Variants in NOL4 observed in about 807,000 individuals in gnomAD.
NOL4 encodes the protein nucleolar protein 4.
In NOL4, 17 loss-of-function variants were observed where a neutral mutation model predicts 75.9. The ratio of observed to expected loss-of-function variants is 0.22; its 90% confidence interval spans 0.15 to 0.34. The LOEUF is 0.34. Ranked by LOEUF, NOL4 falls within the 10% of genes least tolerant of loss-of-function variation. NOL4 has a pLI of 1.00. For missense variants in NOL4, 614 were observed against 793.5 expected (o/e 0.77, Z 2.72); for synonymous variants, 292 against 289.9 (o/e 1.01, Z -0.07).
intron 9 of NOL4, among the ~76,000 whole-genome samples, chr18:33,925,964 T>C (rs1360106288): frequency 6.6e-6 from 1 of 152,150 alleles, no homozygotes. Context: ...TAATAAATAA[T>C]TTTATAATTT....
At chr18:33,929,677 C>T (rs1198325894) in intron 9 of NOL4, among the ~76,000 whole-genome samples, 1 of 152,214 alleles carries the variant, frequency 6.6e-6, no homozygotes, top group African/African-American at 2.4e-5. Flanking sequence ...AGTTATTCTT[C>T]CTCACTTGTT....
At chr18:34,034,814 T>C (rs1223776876) in intron 5 of NOL4, among the ~76,000 whole-genome samples, 1 of 132,282 alleles carries the variant, frequency 7.6e-6, no homozygotes, top group African/African-American at 2.9e-5. Context: ...TCAGATAAAA[T>C]GTACTTCAAG....
At chr18:34,129,730 G>A (rs968433961) in intron 2 of NOL4, 141 bp downstream of exon 2, 50 of 676,646 alleles carry the variant, frequency 7.4e-5, no homozygotes, top group Non-Finnish European at 1.8e-5. Context: ...AATAATTATA[G>A]TTTAAATGTT....
At chr18:34,055,566 G>A (rs28762390) in intron 5 of NOL4, among the ~76,000 whole-genome samples, 23 of 152,212 alleles carry the variant, frequency 1.5e-4, no homozygotes, top group African/African-American at 5.5e-4. Flanking sequence ...TGATTGTAAT[G>A]GGTCCTGGTG....
intron 3 of NOL4, among the ~76,000 whole-genome samples, chr18:34,104,700 A>T (rs2079188979): frequency 6.6e-6 from 1 of 152,052 alleles, no homozygotes; most frequent in Admixed American, 6.6e-5. Context: ...CACATTATTC[A>T]TAATTTTTAG....
At chr18:34,081,091 T>C (rs2077989888) in intron 5 of NOL4, among the ~76,000 whole-genome samples, 1 of 152,196 alleles carries the variant, frequency 6.6e-6, no homozygotes, top group Non-Finnish European at 1.5e-5. Flanking sequence ...AGATTCACAA[T>C]TGTTAGACAG....
intron 10 of NOL4, among the ~76,000 whole-genome samples, chr18:33,856,938 C>T (rs954352495): frequency 6.6e-6 from 1 of 151,970 alleles, no homozygotes; most frequent in Non-Finnish European, 1.5e-5. Flanking sequence ...TCAAAATCAA[C>T]TGCAAATGTT....
chr18:33,955,865 G>T (rs181280139), intron 8 of NOL4, among the ~76,000 whole-genome samples: 149 of 152,172 alleles, frequency 9.8e-4, no homozygotes, highest in African/African-American at 3.3e-3. Context: ...TCAATAGATT[G>T]AGATTATTAA....
At chr18:34,062,750 T>C (rs2077117298) in intron 5 of NOL4, among the ~76,000 whole-genome samples, 2 of 152,142 alleles carry the variant, frequency 1.3e-5, no homozygotes, top group South Asian at 4.1e-4. Context: ...TGTCTATAGC[T>C]ATTGTCATAG....
chr18:33,967,828 C>T (rs1426216519), intron 6 of NOL4, among the ~76,000 whole-genome samples: 1 of 152,178 alleles, frequency 6.6e-6, no homozygotes, highest in East Asian at 1.9e-4. Flanking sequence ...GTGGCTCATG[C>T]CTGTAATCCC....
chr18:33,962,559 A>G (rs1381925034), intron 6 of NOL4, among the ~76,000 whole-genome samples: 1 of 152,190 alleles, frequency 6.6e-6, no homozygotes, highest in Non-Finnish European at 1.5e-5. Flanking sequence ...ATAACTATAT[A>G]GTCAGTGGAG....
chr18:34,222,883 C>A (rs902202191), intron 1 of NOL4, 107 bp downstream of exon 1: 2 of 1,450,278 alleles, frequency 1.4e-6, no homozygotes, highest in Non-Finnish European at 1.9e-6. Flanking sequence ...AGGGGGCACA[C>A]GAGCCAACGG....
At position 33,853,156 on chromosome 18, in the gene NOL4, T is replaced by C. The variant is rs542647551; in HGVS notation, c.1724-121A>G. 391 of 826,196 alleles carry C rather than the reference T, an allele frequency of 4.7e-4. 8 individuals are homozygous for C. In the South Asian group the frequency reaches 6.7e-3, roughly 14 times the overall value. The allele number at this position is 826,196 out of a possible 1,614,324, so 51.2% of individuals were successfully genotyped here. ...GAATTCTTCCACAAGAAGCTAGTGA[T>C]CTCTTTAATCAAATACATCTACTCT... On this transcript the variant is annotated intron_variant, in intron 10 of 10. Coordinates refer to ENST00000261592, the MANE Select transcript of NOL4 (RefSeq NM_003787.5).
At chr18:34,092,752 G>C (rs982562899) in intron 5 of NOL4, among the ~76,000 whole-genome samples, 5 of 152,040 alleles carry the variant, frequency 3.3e-5, no homozygotes, top group Non-Finnish European at 5.9e-5. Context: ...AAGTCACATT[G>C]ACTTGTATAC....
At chr18:34,074,149 T>G (rs1000693503) in intron 5 of NOL4, among the ~76,000 whole-genome samples, 1 of 151,822 alleles carries the variant, frequency 6.6e-6, no homozygotes, top group Non-Finnish European at 1.5e-5. Flanking sequence ...AATATTCATA[T>G]TTTTGGAATA....
At chr18:33,880,947 A>C (rs1452895058) in intron 10 of NOL4, among the ~76,000 whole-genome samples, 1 of 152,038 alleles carries the variant, frequency 6.6e-6, no homozygotes, top group Non-Finnish European at 1.5e-5. Context: ...CCTTGTTTTT[A>C]TTAATAGCAG....
intron 6 of NOL4, among the ~76,000 whole-genome samples, chr18:33,970,892 G>A (rs995863060): frequency 6.6e-6 from 1 of 152,086 alleles, no homozygotes; most frequent in Admixed American, 6.6e-5. Context: ...TGAAAAGAGT[G>A]TTAGGTGTTC....
intron 5 of NOL4, among the ~76,000 whole-genome samples, chr18:34,024,194 A>AAAAAATATATATATATAT: frequency 1.4e-5 from 1 of 70,684 alleles, no homozygotes; most frequent in African/African-American, 5.3e-5. Flanking sequence ...AAAAAAAAAA[A>AAAAAATATATATATATAT]ATATATATAT....
At chr18:34,010,195 A>G (rs1195008170) in intron 6 of NOL4, among the ~76,000 whole-genome samples, 1 of 151,788 alleles carries the variant, frequency 6.6e-6, no homozygotes, top group Admixed American at 6.6e-5. Flanking sequence ...ATTCTACACT[A>G]TATCTCCATG....
Sources: allele counts gnomAD v4.1 joint callset (sites outside exome capture counted in the v4.1 genomes callset), GRCh38; gene constraint gnomAD v4.1.1; transcripts MANE v1.5; gene names NCBI Gene and HGNC (gene_info 2026-07-23, HGNC 2026-07-21).